The following SWAP70 variants were observed in gnomAD, a reference collection of about 807,000 sequenced individuals.
SWAP70 encodes the protein switch-associated protein 70.
In SWAP70, 34 loss-of-function variants were observed where a neutral mutation model predicts 80.2. That is an observed-to-expected ratio of 0.42 (90% CI 0.32 to 0.56). SWAP70 has a LOEUF of 0.56. Among genes scored for constraint, SWAP70 ranks in the 20% least tolerant of loss-of-function variants. The probability of loss-of-function intolerance (pLI) is 0.09; values close to 1 mark genes in which losing one functional copy is unlikely to be tolerated. For missense variants in SWAP70, 578 were observed against 690.7 expected (o/e 0.84, Z 1.83); for synonymous variants, 239 against 238.5 (o/e 1.00, Z -0.02).
At chr11:9,690,416 A>G (rs1360239807) in intron 1 of SWAP70, among the ~76,000 whole-genome samples, 1 of 152,010 alleles carries the variant, frequency 6.6e-6, no homozygotes, top group East Asian at 1.9e-4. Flanking sequence ...TGTCTCTACT[A>G]AAAATATAAA....
chr11:9,750,323 A>G lies in SWAP70; in HGVS notation c.*353A>G, dbSNP rs1851570344. On this transcript the variant is annotated 3_prime_UTR_variant, in exon 12 of 12. Coordinates refer to ENST00000318950, the MANE Select transcript of SWAP70 (RefSeq NM_015055.4). ...GCCGTTGTACTCCAGCTTGGGCAAC[A>G]GAGTGAGACTCCATCTCAAAACAAA... 1 of 171,454 alleles carries G rather than the reference A, an allele frequency of 5.8e-6. No homozygotes were observed. Among genetic ancestry groups the G allele is most frequent in the Admixed American group, 5.8e-5 (1 of 17,234 alleles). The allele number at this position is 171,454 out of a possible 1,614,324, so 10.6% of individuals were successfully genotyped here. A position where few individuals can be genotyped will look rare whatever the true frequency, so the allele number is the denominator to read the frequency against.
In SWAP70 at chr11:9,751,971, AACGAGACTTAGGT is replaced by A. The variant is rs1851596464; in HGVS notation, c.*2003_*2015del. 6.6e-6 allele frequency: 1 copy of A among 152,236 alleles called. No individual in the cohort carries two copies. Among genetic ancestry groups the A allele is most frequent in the Non-Finnish European group, 1.5e-5 (1 of 68,038 alleles). The allele number at this position is 152,236 out of a possible 1,614,324, so 9.4% of individuals were successfully genotyped here. A position where few individuals can be genotyped will look rare whatever the true frequency, so the allele number is the denominator to read the frequency against. The stretch of plus-strand genomic sequence containing the variant: ...CAGTAGCTGGCAGGTGTATTAGACC[AACGAGACTTAGGT>A]AAGGAATGGAACCTTTCCTGTGGTT... On this transcript the variant is annotated 3_prime_UTR_variant, in exon 12 of 12. Transcript: ENST00000318950.
intron 3 of SWAP70, among the ~76,000 whole-genome samples, chr11:9,719,373 CAAAAA>C (rs555391244): frequency 6.7e-6 from 1 of 150,086 alleles, no homozygotes; most frequent in Non-Finnish European, 1.5e-5. Context: ...GATCCTGTCT[CAAAAA>C]AAAAGATATA....
intron 1 of SWAP70, among the ~76,000 whole-genome samples, chr11:9,683,235 A>C (rs1850589984): frequency 6.6e-6 from 1 of 151,860 alleles, no homozygotes; most frequent in Non-Finnish European, 1.5e-5. Flanking sequence ...CTGTTTCTAC[A>C]AAAAATAGAA....
At chr11:9,668,220 C>T (rs1240251356) in intron 1 of SWAP70, among the ~76,000 whole-genome samples, 1 of 152,338 alleles carries the variant, frequency 6.6e-6, no homozygotes, top group South Asian at 2.1e-4. Context: ...ATGGTTTCTT[C>T]ATTTTCTTCT....
At chr11:9,704,190 G>T (rs2645021) in intron 2 of SWAP70, among the ~76,000 whole-genome samples, 14,518 of 151,822 alleles carry the variant, frequency 0.096, 1,299 homozygotes, top group African/African-American at 0.23. Context: ...TGTCTATATA[G>T]AGAGAGACCA....
intron 6 of SWAP70, among the ~76,000 whole-genome samples, chr11:9,730,409 C>T (rs1436464930): frequency 6.7e-6 from 1 of 150,050 alleles, no homozygotes; most frequent in Non-Finnish European, 1.5e-5. Flanking sequence ...TAATAGCCTC[C>T]AGTTCTATCC....
intron 1 of SWAP70, among the ~76,000 whole-genome samples, chr11:9,668,034 G>A (rs10840284): frequency 0.2 from 30,991 of 152,046 alleles, 4,062 homozygotes; most frequent in Non-Finnish European, 0.29. Flanking sequence ...GATTACAGGT[G>A]CCCACTACCA....
chr11:9,708,840 G>A lies in SWAP70; in HGVS notation c.241-4626G>A, dbSNP rs555226344. Among the ~76,000 whole-genome samples, 4 of 152,264 alleles carry A rather than the reference G, an allele frequency of 2.6e-5. No homozygotes were observed. In the South Asian group the frequency reaches 8.3e-4, roughly 32 times the overall value. On this transcript the variant is annotated intron_variant, in intron 2 of 11. Coordinates refer to ENST00000318950, the MANE Select transcript of SWAP70 (RefSeq NM_015055.4). ...ATAGATGGCATTCATCCCATAGATG[G>A]CATTCATCCCATAGATGGCCTCCAC...
chr11:9,669,565 G>A (rs192356324), intron 1 of SWAP70, among the ~76,000 whole-genome samples: 1 of 152,102 alleles, frequency 6.6e-6, no homozygotes, highest in Non-Finnish European at 1.5e-5. Flanking sequence ...ATTGATTGCT[G>A]TTATCCCTAG....
At chr11:9,744,792 C>T (rs1389215139) in intron 9 of SWAP70, among the ~76,000 whole-genome samples, 1 of 152,074 alleles carries the variant, frequency 6.6e-6, no homozygotes, top group Non-Finnish European at 1.5e-5. Context: ...CCTATAATCC[C>T]AGCTACTCGG....
At chr11:9,715,200 A>G (rs1011190354) in intron 3 of SWAP70, among the ~76,000 whole-genome samples, 1 of 152,018 alleles carries the variant, frequency 6.6e-6, no homozygotes, top group African/African-American at 2.4e-5. Flanking sequence ...CCTGGTATCA[A>G]ACTCCTGGCC....
intron 9 of SWAP70, among the ~76,000 whole-genome samples, chr11:9,744,138 A>G (rs182616884): frequency 6.6e-6 from 1 of 151,912 alleles, no homozygotes; most frequent in Non-Finnish European, 1.5e-5. Context: ...AATTTTTTGT[A>G]TTTTTAGTAG....
At chr11:9,747,407 G>A (rs1382763936) in intron 9 of SWAP70, among the ~76,000 whole-genome samples, 4 of 152,208 alleles carry the variant, frequency 2.6e-5, no homozygotes, top group Non-Finnish European at 5.9e-5. Context: ...TTTACTAGAT[G>A]AAAATGTTTT....
At chr11:9,664,396 C>G (rs1298990948) in intron 1 of SWAP70, 118 bp downstream of exon 1, 3 of 1,087,142 alleles carry the variant, frequency 2.8e-6, no homozygotes, top group Non-Finnish European at 3.9e-6. Context: ...TCGGAATGCG[C>G]CCGGTAGGCC....
chr11:9,734,229 A>C (rs995355808), intron 7 of SWAP70, among the ~76,000 whole-genome samples: 24 of 152,190 alleles, frequency 1.6e-4, no homozygotes, highest in East Asian at 1.9e-4. Flanking sequence ...GAAACCACTG[A>C]TCAATTCTCT....
At chr11:9,707,904 A>C (rs191860870) in intron 2 of SWAP70, among the ~76,000 whole-genome samples, 1 of 152,128 alleles carries the variant, frequency 6.6e-6, no homozygotes, top group South Asian at 2.1e-4. Context: ...AAACTTTAAT[A>C]GTTTTGGGGG....
chr11:9,718,012 C>G (rs575223192), intron 3 of SWAP70, among the ~76,000 whole-genome samples: 2 of 152,204 alleles, frequency 1.3e-5, no homozygotes, highest in African/African-American at 4.8e-5. Context: ...GCAGGCATCC[C>G]GAAGGATTGG....
At chr11:9,691,225 A>G (rs1432869426) in intron 1 of SWAP70, among the ~76,000 whole-genome samples, 1 of 152,182 alleles carries the variant, frequency 6.6e-6, no homozygotes, top group Non-Finnish European at 1.5e-5. Flanking sequence ...GCCTGTTGTT[A>G]TATTTTTTGA....
Sources: allele counts gnomAD v4.1 joint callset (sites outside exome capture counted in the v4.1 genomes callset), GRCh38; gene constraint gnomAD v4.1.1; transcripts MANE v1.5; gene names NCBI Gene and HGNC (gene_info 2026-07-23, HGNC 2026-07-21).